The following UTP4 variants were observed in gnomAD, a reference collection of about 807,000 sequenced individuals.
UTP4 encodes UTP4 small subunit processome component.
UTP4 carries 45 observed loss-of-function variants against 82.4 expected under a neutral mutation model. That is an observed-to-expected ratio of 0.55 (90% CI 0.43 to 0.70). The LOEUF is 0.70. Ranked by LOEUF, UTP4 falls within the 30% of genes least tolerant of loss-of-function variation. UTP4 has a pLI of 0.00. For missense variants in UTP4, 819 were observed against 858.3 expected, an observed-to-expected ratio of 0.95 and a Z score of 0.57; for synonymous variants, 348 against 300.3, an observed-to-expected ratio of 1.16 and a Z score of -1.64.
intron 14 of UTP4, 82 bp downstream of exon 14, chr16:69,163,260 C>G: frequency 2.6e-6 from 3 of 1,161,172 alleles, no homozygotes; most frequent in Middle Eastern, 2.0e-4. Flanking sequence ...TTGCGGGGAG[C>G]TTTTTTTTGA....
chr16:69,133,683 G>C (rs566014810), intron 2 of UTP4, 65 bp downstream of exon 2: 1 of 1,534,666 alleles, frequency 6.5e-7, no homozygotes, highest in African/African-American at 1.4e-5. Flanking sequence ...CAAGAAGCTT[G>C]TATGTCTTTT....
intron 4 of UTP4, among the ~76,000 whole-genome samples, chr16:69,138,250 T>TTC (rs71148964): frequency 1.3e-5 from 2 of 151,542 alleles, no homozygotes; most frequent in African/African-American, 4.8e-5. Flanking sequence ...TTTTTTTTTT[T>TTC]CTGGAGGCAG....
At chr16:69,157,347 C>T in intron 12 of UTP4, 107 bp downstream of exon 12, 2 of 1,063,372 alleles carry the variant, frequency 1.9e-6, no homozygotes, top group Non-Finnish European at 2.8e-6. Context: ...TCCTACCCTG[C>T]AGATACACTC....
At chr16:69,154,034 A>T (rs892032599) in intron 9 of UTP4, among the ~76,000 whole-genome samples, 1 of 152,122 alleles carries the variant, frequency 6.6e-6, no homozygotes, top group Non-Finnish European at 1.5e-5. Context: ...GAAAAAGAAG[A>T]TCACATGGAT....
At position 69,143,250 on chromosome 16, in the gene UTP4, G is replaced by T; in HGVS notation, c.599G>T (p.Gly200Val). 1 of 1,614,240 alleles carries T rather than the reference G, an allele frequency of 6.2e-7. No individual in the cohort carries two copies. The highest frequency in any genetic ancestry group is 8.5e-7 in the Non-Finnish European group (1 of 1,180,034). ...GVSKRKCIVW[G>V]VAFLSDGTII... ...TCTAAGCGGAAGTGCATCGTGTGGG[G>T]TGTCGCCTTCTTGTCCGATGGCACT... Residue 200 changes from glycine (G) to valine (V), a missense_variant, in exon 6 of 17, where the codon GGT becomes GTT. Transcript: ENST00000314423.
At position 69,157,169 on chromosome 16, in the gene UTP4, A is replaced by C; in HGVS notation, c.1373A>C (p.Gln458Pro). The change falls in exon 12 of 17, where the codon CAA becomes CCA. Residue 458 changes from glutamine to proline, a missense_variant. Gln to Pro is a moderately conservative substitution (Grantham distance 76). Coordinates refer to ENST00000314423, the MANE Select transcript of UTP4 (RefSeq NM_032830.3). ...DSTKLFVASNQGALHIVQLSG... is the reference protein window; with the variant it reads ...DSTKLFVASNPGALHIVQLSG... The stretch of plus-strand genomic sequence containing the variant: ...ACAAAGCTCTTTGTAGCATCAAATC[A>C]AGGAGCTCTGCATATTGTTCAGCTG... The C allele has an allele frequency of 1.2e-6, 2 of 1,614,228 alleles. No homozygotes were observed. Among genetic ancestry groups the C allele is most frequent in the Non-Finnish European group, 1.7e-6 (2 of 1,180,034 alleles).
intron 6 of UTP4, among the ~76,000 whole-genome samples, chr16:69,145,047 C>T (rs1039540773): frequency 6.6e-6 from 1 of 151,830 alleles, no homozygotes; most frequent in Admixed American, 6.6e-5. Flanking sequence ...GAGACTGAGG[C>T]AGGAGAATCA....
At chr16:69,152,570 A>G (rs1011942624) in intron 8 of UTP4, among the ~76,000 whole-genome samples, 3 of 150,470 alleles carry the variant, frequency 2.0e-5, no homozygotes, top group Non-Finnish European at 3.0e-5. Flanking sequence ...CCTGGGTTCA[A>G]GCGATTCTCC....
At chr16:69,152,417 C>T (rs998525116) in intron 8 of UTP4, among the ~76,000 whole-genome samples, 4 of 151,168 alleles carry the variant, frequency 2.6e-5, no homozygotes, top group African/African-American at 9.7e-5. Context: ...TCCCGAGTTG[C>T]TGGAGCTGCA....
At chr16:69,164,463 G>A (rs972992865) in intron 14 of UTP4, among the ~76,000 whole-genome samples, 1 of 151,756 alleles carries the variant, frequency 6.6e-6, no homozygotes, top group African/African-American at 2.4e-5. Context: ...AAGGTATAGG[G>A]AAACAGTACT....
At chr16:69,162,711 CAAA>C (rs61078750) in intron 13 of UTP4, among the ~76,000 whole-genome samples, 5 of 100,392 alleles carry the variant, frequency 5.0e-5, no homozygotes, top group Admixed American at 1.2e-4. Context: ...AACTCCATCT[CAAA>C]AAAAAAAAAA....
intron 5 of UTP4, among the ~76,000 whole-genome samples, chr16:69,140,657 G>A (rs572338797): frequency 1.3e-5 from 2 of 151,512 alleles, no homozygotes; most frequent in East Asian, 3.9e-4. Flanking sequence ...CTGACAACAA[G>A]AGTGAAACTG....
Position 69,133,506 on chromosome 16 carries a change from C to T in UTP4, c.47C>T (p.Pro16Leu), listed in dbSNP as rs1490171194. Reference protein sequence around the residue: ...VHRVRFFNYVPSGIRCVAYNN... With the variant: ...VHRVRFFNYVLSGIRCVAYNN... ...CGAGTACGTTTCTTTAATTATGTTCCATCAGGAATCCGCTGTGTGGCTTAC... is the reference window on the plus strand; with the variant it reads ...CGAGTACGTTTCTTTAATTATGTTCTATCAGGAATCCGCTGTGTGGCTTAC... The change falls in exon 2 of 17, where the codon CCA (proline) becomes CTA (leucine). Residue 16 changes from proline (P) to leucine (L), a missense_variant. Coordinates refer to ENST00000314423, the MANE Select transcript of UTP4 (RefSeq NM_032830.3). The T allele has an allele frequency of 1.2e-6, 2 of 1,614,110 alleles. No individual in the cohort carries two copies. Among genetic ancestry groups the T allele is most frequent in the East Asian group, 2.2e-5 (1 of 44,874 alleles).
At chr16:69,159,417 G>A (rs987315761) in intron 12 of UTP4, among the ~76,000 whole-genome samples, 6 of 152,112 alleles carry the variant, frequency 3.9e-5, no homozygotes, top group African/African-American at 1.4e-4. Flanking sequence ...TTTAGGGGCC[G>A]GGCACAGTGG....
chr16:69,139,470 C>A (rs1962898283), intron 4 of UTP4, among the ~76,000 whole-genome samples: 1 of 151,216 alleles, frequency 6.6e-6, no homozygotes, highest in South Asian at 2.1e-4. Context: ...GAAACCCCAT[C>A]TCCACTAAAA....
chr16:69,154,175 G>A lies in UTP4; in HGVS notation c.1100-218G>A, dbSNP rs549246365. Among the ~76,000 whole-genome samples, 145 of 152,220 alleles carry A rather than the reference G, an allele frequency of 9.5e-4. 1 individual carries two copies. Among genetic ancestry groups the A allele is most frequent in the Non-Finnish European group, 6.2e-4 (42 of 68,020 alleles). On this transcript the variant is annotated intron_variant, in intron 9 of 16. Transcript: ENST00000314423. ...TCCCTGGCTATGGACTAGAGCTTCA[G>A]GGAATTAGTGATGTATCAGAGGATA...
intron 5 of UTP4, chr16:69,142,203 G>C (rs1962977922): frequency 6.6e-6 from 1 of 152,118 alleles, no homozygotes; most frequent in Admixed American, 6.6e-5. Context: ...GATCTGGCTG[G>C]ACTGCTTATT....
At chr16:69,160,535 C>A (rs1597151221) in intron 13 of UTP4, 73 bp downstream of exon 13, 1 of 1,067,112 alleles carries the variant, frequency 9.4e-7, no homozygotes, top group East Asian at 2.4e-5. Context: ...TTACAAGATT[C>A]AAGGCAGATT....
chr16:69,165,840 C>T (rs764018111), intron 15 of UTP4: 29 of 475,120 alleles, frequency 6.1e-5, no homozygotes, highest in Admixed American at 1.3e-4. Flanking sequence ...GGCCAGTATT[C>T]GGAAGGTGAC....
Sources: gnomAD v4.1 joint callset for allele counts (sites outside exome capture counted in the v4.1 genomes callset) on GRCh38, gnomAD v4.1.1 for gene constraint, MANE v1.5 for transcripts, NCBI Gene and HGNC (gene_info 2026-07-23, HGNC 2026-07-21) for gene names.